EIF2S1: variants seen among roughly 807,000 people sequenced by gnomAD.
EIF2S1 encodes the protein eukaryotic translation initiation factor 2 subunit alpha.
EIF2S1 carries 5 observed loss-of-function variants against 33.5 expected under a neutral mutation model. That is an observed-to-expected ratio of 0.15 (90% confidence interval 0.08 to 0.31). The LOEUF (loss-of-function observed/expected upper bound fraction) is 0.31, where lower values mean the gene tolerates loss of function less well. EIF2S1 is among the 10% of genes least tolerant of loss of function. The probability of loss-of-function intolerance (pLI) is 1.00; values close to 1 mark genes in which losing one functional copy is unlikely to be tolerated. For missense variants in EIF2S1, 191 were observed against 384.6 expected (o/e 0.50, Z 4.21); for synonymous variants, 99 against 127.5 (o/e 0.78, Z 1.51).
intron 3 of EIF2S1, 87 bp from the exon 4 acceptor site, chr14:67,376,352 G>A (rs1704987478): frequency 1.6e-6 from 2 of 1,281,738 alleles, no homozygotes; most frequent in Admixed American, 5.2e-5. Context: ...AATTATTGTA[G>A]CCAAATTATG....
chr14:67,375,340 C>T (rs544221223), intron 3 of EIF2S1, among the ~76,000 whole-genome samples: 5 of 151,796 alleles, frequency 3.3e-5, no homozygotes, highest in African/African-American at 1.2e-4. Flanking sequence ...ACTGCAACCA[C>T]CTCCTCCTGG....
chr14:67,362,084 C>T (rs1034386130), intron 1 of EIF2S1, among the ~76,000 whole-genome samples: 1 of 148,140 alleles, frequency 6.8e-6, no homozygotes, highest in Non-Finnish European at 1.5e-5. Flanking sequence ...TGTAGTGGCA[C>T]GATCTCAGCT....
In EIF2S1 at chr14:67,377,923, C is replaced by A. The variant is rs1420664664; in HGVS notation, c.473+1333C>A. Among the ~76,000 whole-genome samples, 4 of 150,882 alleles carry A rather than the reference C, an allele frequency of 2.7e-5. No individual in the cohort carries two copies. The East Asian group carries it at 7.8e-4, about 29-fold the overall frequency. ...AGGAGTTGGAGACCATCCTGGGCAG[C>A]ATAGCAAGACTGCCATCTCTAAAAA... On this transcript the variant is annotated intron_variant, in intron 4 of 7. Transcript: ENST00000256383.
Position 67,384,542 on chromosome 14 carries a change from G to T in EIF2S1, c.*1102G>T, listed in dbSNP as rs1199144424. On this transcript the variant is annotated 3_prime_UTR_variant, in exon 8 of 8. Transcript: ENST00000256383. ...AATTTATTCTCTTATGATACTTGAG[G>T]TACCAGTTGTATTTAATTTTATTCA... The T allele has an allele frequency of 6.6e-6, 1 of 151,918 alleles. No homozygotes were observed. The highest frequency in any genetic ancestry group is 6.6e-5 in the Admixed American group (1 of 15,232). The allele number at this position is 151,918 out of a possible 1,614,324, so 9.4% of individuals were successfully genotyped here. A position where few individuals can be genotyped will look rare whatever the true frequency, so the allele number is the denominator to read the frequency against.
intron 1 of EIF2S1, among the ~76,000 whole-genome samples, chr14:67,363,347 C>T (rs1332096327): frequency 1.3e-5 from 2 of 152,018 alleles, no homozygotes; most frequent in African/African-American, 4.8e-5. Flanking sequence ...CAAAGAAATA[C>T]ATCTCTGCTA....
chr14:67,373,207 C>T (rs912514988), intron 2 of EIF2S1, among the ~76,000 whole-genome samples: 2 of 152,052 alleles, frequency 1.3e-5, no homozygotes, highest in African/African-American at 4.8e-5. Context: ...AAACTTGTGT[C>T]CAGTTTTTAG....
chr14:67,379,669 T>G (rs1255818895), intron 4 of EIF2S1, among the ~76,000 whole-genome samples: 1 of 138,868 alleles, frequency 7.2e-6, no homozygotes, highest in Admixed American at 7.2e-5. Context: ...TTTTTTTTTT[T>G]TTTGAGACGG....
At chr14:67,381,558 ATTTT>A (rs746769316) in intron 5 of EIF2S1, 31 bp from the exon 6 acceptor site, 2 of 1,563,816 alleles carry the variant, frequency 1.3e-6, no homozygotes, top group Non-Finnish European at 1.8e-6. Context: ...TATTTTTTGC[ATTTT>A]TTATCAACTT....
intron 6 of EIF2S1, 81 bp from the exon 7 acceptor site, chr14:67,382,366 G>C (rs1354857938): frequency 7.6e-7 from 1 of 1,323,938 alleles, no homozygotes; most frequent in African/African-American, 1.5e-5. Flanking sequence ...TAATACAGCA[G>C]ATTAATAAAA....
intron 7 of EIF2S1, among the ~76,000 whole-genome samples, chr14:67,382,892 T>TGTAC (rs1253268581): frequency 6.8e-6 from 1 of 147,952 alleles, no homozygotes; most frequent in East Asian, 2.1e-4. Context: ...AAGAAGTGTG[T>TGTAC]GTACGTGCGT....
chr14:67,374,354 G>T (rs554595820), intron 2 of EIF2S1, 114 bp from the exon 3 acceptor site: 8 of 544,318 alleles, frequency 1.5e-5, no homozygotes, highest in Non-Finnish European at 2.3e-5. Flanking sequence ...TAGGATTTTA[G>T]TAGGAAATAA....
intron 1 of EIF2S1, among the ~76,000 whole-genome samples, chr14:67,362,477 G>A (rs576409835): frequency 2.7e-4 from 41 of 152,022 alleles, no homozygotes; most frequent in African/African-American, 9.7e-4. Context: ...ATGTTTTTAC[G>A]TATACATGTG....
intron 7 of EIF2S1, 51 bp downstream of exon 7, chr14:67,382,641 G>A: frequency 6.2e-7 from 1 of 1,601,472 alleles, no homozygotes; most frequent in Non-Finnish European, 8.6e-7. Flanking sequence ...TTCCTAAAAG[G>A]AGTTCTTGTA....
At chr14:67,364,595 G>C in intron 1 of EIF2S1, 172 bp from the exon 2 acceptor site, 1 of 613,966 alleles carries the variant, frequency 1.6e-6, no homozygotes. Flanking sequence ...CTTGGTTCCT[G>C]AACATTATCT....
intron 5 of EIF2S1, 24 bp from the exon 6 acceptor site, chr14:67,381,569 A>G (rs538852568): frequency 1.9e-6 from 3 of 1,593,398 alleles, no homozygotes; most frequent in African/African-American, 2.7e-5. Flanking sequence ...TTTTTTATCA[A>G]CTTTTGAATT....
chr14:67,364,960 A>T lies in EIF2S1; in HGVS notation c.193A>T (p.Ile65Phe). 1 of 1,614,010 alleles carries T rather than the reference A, an allele frequency of 6.2e-7. No homozygotes were observed. The highest frequency in any genetic ancestry group is 8.5e-7 in the Non-Finnish European group (1 of 1,179,948). ...RIRSINKLIR[I>F]GRNECVVVIR... ...CCGTTCTATCAACAAACTCATCCGA[A>T]TTGGCAGGAATGAGTGTGTGGTTGT... Residue 65 changes from isoleucine to phenylalanine, a missense_variant, in exon 2 of 8, where the codon ATT becomes TTT. Coordinates refer to ENST00000256383, the MANE Select transcript of EIF2S1 (RefSeq NM_004094.5).
rs1170187373 is a variant in EIF2S1 at position 67,384,167 on chromosome 14, GAAT to G, written c.*733_*735del. The stretch of plus-strand genomic sequence containing the variant: ...AATTTATCACACCACGTCCTTATTG[GAAT>G]AATAAGCTACTTGCCTTGAGTTTAT... On this transcript the variant is annotated 3_prime_UTR_variant, in exon 8 of 8. Coordinates refer to ENST00000256383, the MANE Select transcript of EIF2S1 (RefSeq NM_004094.5). 5.9e-5 allele frequency: 9 copies of G among 152,070 alleles called. No homozygotes were observed. Among genetic ancestry groups the G allele is most frequent in the Non-Finnish European group, 1.2e-4 (8 of 68,036 alleles). The allele number at this position is 152,070 out of a possible 1,614,324, so 9.4% of individuals were successfully genotyped here. A position where few individuals can be genotyped will look rare whatever the true frequency, so the allele number is the denominator to read the frequency against.
chr14:67,373,988 A>G (rs1358812487), intron 2 of EIF2S1, among the ~76,000 whole-genome samples: 1 of 152,142 alleles, frequency 6.6e-6, no homozygotes, highest in Non-Finnish European at 1.5e-5. Flanking sequence ...ACTACCTTTC[A>G]TTTGGATAAT....
chr14:67,360,476 GT>G lies in EIF2S1; in HGVS notation c.-2+23del. On this transcript the variant is annotated intron_variant, in intron 1 of 7. Transcript: ENST00000256383. ...CCTCAGGTGACTAATCCCAAGCTCG[GT>G]TTCTCCAGGAACTCACTTTGGTTTG... 1 of 355,672 alleles carries G rather than the reference GT, an allele frequency of 2.8e-6. No individual in the cohort carries two copies. The highest frequency in any genetic ancestry group is 4.1e-5 in the East Asian group (1 of 24,162). The allele number at this position is 355,672 out of a possible 1,614,324, so 22.0% of individuals were successfully genotyped here.
Sources: gnomAD v4.1 joint callset for allele counts (sites outside exome capture counted in the v4.1 genomes callset) on GRCh38, gnomAD v4.1.1 for gene constraint, MANE v1.5 for transcripts, NCBI Gene and HGNC (gene_info 2026-07-23, HGNC 2026-07-21) for gene names.